The following EPB41L3 variants were observed in gnomAD, a reference collection of about 807,000 sequenced individuals.
The protein encoded by EPB41L3 is band 4.1-like protein 3.
EPB41L3 carries 57 observed loss-of-function variants against 127.1 expected under a neutral mutation model. The observed-to-expected ratio is 0.45, with a 90% CI of 0.36 to 0.56. The LOEUF is 0.56. EPB41L3 is among the 20% of genes least tolerant of loss of function. EPB41L3 has a pLI of 0.00. For synonymous variants in EPB41L3, 572 were observed against 549.5 expected (o/e 1.04, Z -0.57); for missense variants, 1,273 against 1,372.2 (o/e 0.93, Z 1.14).
chr18:5,551,998 G>A (rs1431219443), intron 3 of EPB41L3, among the ~76,000 whole-genome samples: 1 of 152,112 alleles, frequency 6.6e-6, no homozygotes, highest in Non-Finnish European at 1.5e-5. Context: ...GAAGACTAAA[G>A]CACATACTTA....
upstream of EPB41L3, among the ~76,000 whole-genome samples, chr18:5,545,944 A>C (rs1014314457): frequency 4.0e-5 from 6 of 151,138 alleles, no homozygotes; most frequent in Non-Finnish European, 8.8e-5. Context: ...TGAATGAAGA[A>C]AGAATTCATT....
chr18:5,447,903 A>C (rs1226911839), intron 3 of EPB41L3, among the ~76,000 whole-genome samples: 1 of 152,210 alleles, frequency 6.6e-6, no homozygotes, highest in Non-Finnish European at 1.5e-5. Context: ...TTTTAAAGAC[A>C]ATAACATACT....
intron 3 of EPB41L3, among the ~76,000 whole-genome samples, chr18:5,469,316 C>T (rs931523441): frequency 5.3e-5 from 8 of 152,338 alleles, no homozygotes; most frequent in South Asian, 4.1e-4. Flanking sequence ...GGTGTCACTG[C>T]GTTCCCCTTG....
At chr18:5,511,952 TA>T (rs1237889348) in intron 1 of EPB41L3, among the ~76,000 whole-genome samples, 11 of 152,236 alleles carry the variant, frequency 7.2e-5, no homozygotes, top group Admixed American at 7.2e-4. Context: ...TATTTGAGAA[TA>T]ACTACTTCAA....
At chr18:5,535,294 A>G (rs2093538623) in intron 1 of EPB41L3, among the ~76,000 whole-genome samples, 1 of 152,072 alleles carries the variant, frequency 6.6e-6, no homozygotes, top group Non-Finnish European at 1.5e-5. Context: ...TTGGTGCTAA[A>G]AAGGTTGGGG....
chr18:5,482,872 C>A (rs964023811), intron 2 of EPB41L3, among the ~76,000 whole-genome samples: 5 of 152,040 alleles, frequency 3.3e-5, no homozygotes, highest in African/African-American at 4.8e-5. Context: ...GTTCTTCAAT[C>A]TGAAATAAAA....
intron 3 of EPB41L3, among the ~76,000 whole-genome samples, chr18:5,586,302 C>G (rs1262835503): frequency 1.3e-5 from 2 of 152,020 alleles, no homozygotes; most frequent in Non-Finnish European, 2.9e-5. Context: ...AGACAGTAGA[C>G]AGAGAAGCTG....
chr18:5,430,436 C>T (rs1301224006), intron 8 of EPB41L3, among the ~76,000 whole-genome samples: 2 of 151,948 alleles, frequency 1.3e-5, no homozygotes, highest in Non-Finnish European at 2.9e-5. Context: ...ACGGCACAAA[C>T]GAGTGCAGTT....
intron 3 of EPB41L3, among the ~76,000 whole-genome samples, chr18:5,470,560 A>G (rs1294001509): frequency 6.6e-6 from 1 of 152,246 alleles, no homozygotes; most frequent in African/African-American, 2.4e-5. Context: ...GCATTCTAGA[A>G]AATGCAAAGA....
chr18:5,595,687 T>C (rs1179145485), intron 3 of EPB41L3, among the ~76,000 whole-genome samples: 1 of 152,134 alleles, frequency 6.6e-6, no homozygotes, highest in East Asian at 1.9e-4. Flanking sequence ...GTTTGATACA[T>C]ACTACATACT....
At chr18:5,411,167 A>C (rs1003034861) in intron 13 of EPB41L3, among the ~76,000 whole-genome samples, 2 of 152,214 alleles carry the variant, frequency 1.3e-5, no homozygotes, top group African/African-American at 4.8e-5. Flanking sequence ...TGTCAATTAT[A>C]AAAGGCACAT....
At chr18:5,454,129 T>G (rs2082679336) in intron 3 of EPB41L3, among the ~76,000 whole-genome samples, 1 of 151,956 alleles carries the variant, frequency 6.6e-6, no homozygotes, top group Non-Finnish European at 1.5e-5. Flanking sequence ...CCTTTTTTTC[T>G]AACGAATTCT....
chr18:5,532,696 G>A (rs183007363), intron 1 of EPB41L3, among the ~76,000 whole-genome samples: 3 of 152,258 alleles, frequency 2.0e-5, no homozygotes, highest in Admixed American at 2.0e-4. Context: ...AGAATATTTG[G>A]AGAAGAGATC....
intron 3 of EPB41L3, among the ~76,000 whole-genome samples, chr18:5,607,904 A>G (rs1382267082): frequency 7.1e-6 from 1 of 141,428 alleles, no homozygotes; most frequent in Non-Finnish European, 1.5e-5. Flanking sequence ...TTGAAGGGCC[A>G]GGAAGAGTCC....
intron 12 of EPB41L3, among the ~76,000 whole-genome samples, chr18:5,416,953 C>G (rs1367034257): frequency 2.0e-5 from 3 of 152,118 alleles, no homozygotes; most frequent in Non-Finnish European, 2.9e-5. Flanking sequence ...TCTGGCCCCA[C>G]TCCTATCTGA....
At chr18:5,445,957 T>C (rs2081414988) in intron 3 of EPB41L3, among the ~76,000 whole-genome samples, 2 of 152,052 alleles carry the variant, frequency 1.3e-5, no homozygotes, top group Non-Finnish European at 1.5e-5. Context: ...AAAAAAATGG[T>C]CTTCCATGAA....
intron 1 of EPB41L3, among the ~76,000 whole-genome samples, chr18:5,492,728 A>T (rs2090741707): frequency 1.3e-5 from 2 of 152,184 alleles, no homozygotes; most frequent in Non-Finnish European, 1.5e-5. Flanking sequence ...AATTTACCTT[A>T]AAATTGTGTT....
intron 1 of EPB41L3, among the ~76,000 whole-genome samples, chr18:5,626,456 G>A (rs775610350): frequency 1.3e-5 from 2 of 152,066 alleles, no homozygotes; most frequent in South Asian, 4.1e-4. Flanking sequence ...TATAAATAGC[G>A]GGTTTCAATA....
Position 5,423,392 on chromosome 18 carries a change from C to G in EPB41L3, c.1325G>C (p.Arg442Pro), listed in dbSNP as rs201730957. ...RSSSKRYTMSRSLDGEVGTGQ... is the reference protein window; with the variant it reads ...RSSSKRYTMSPSLDGEVGTGQ... Reference sequence around the variant, plus strand: ...GCGATGCCTACCTCCATCCAAGCTGCGAGACATGGTATAACGTTTGCTGGA... The same window carrying G: ...GCGATGCCTACCTCCATCCAAGCTGGGAGACATGGTATAACGTTTGCTGGA... Residue 442 changes from arginine (R) to proline (P), a missense_variant, in exon 11 of 23, where the codon CGC (arginine) becomes CCC (proline). Around this residue, in one of 3 missense-constraint regions of EPB41L3, gnomAD observed 326 missense variants for 440.2 expected, o/e 0.74. Transcript: ENST00000341928. 1 of 1,604,176 alleles carries G rather than the reference C, an allele frequency of 6.2e-7. No homozygotes were observed. The highest frequency in any genetic ancestry group is 1.1e-5 in the South Asian group (1 of 90,136).
Sources: allele counts gnomAD v4.1 joint callset (sites outside exome capture counted in the v4.1 genomes callset), GRCh38; gene constraint gnomAD v4.1.1; regional missense constraint gnomAD v4.1.1; transcripts MANE v1.5; gene names NCBI Gene and HGNC (gene_info 2026-07-23, HGNC 2026-07-21).